Variants in INTS4 observed in about 807,000 individuals in gnomAD.
INTS4 encodes the protein integrator complex subunit 4.
INTS4 carries 70 observed loss-of-function variants against 119.5 expected under a neutral mutation model. That is an observed-to-expected ratio of 0.59 (90% CI 0.48 to 0.71). The LOEUF is 0.71. Among genes scored for constraint, INTS4 ranks in the 30% least tolerant of loss-of-function variants. The pLI is 0.00. For missense variants in INTS4, 867 were observed against 1,173.2 expected (o/e 0.74, Z 3.81); for synonymous variants, 316 against 419.6 (o/e 0.75, Z 3.02).
intron 16 of INTS4, among the ~76,000 whole-genome samples, chr11:77,907,132 C>G (rs564329440): frequency 6.6e-6 from 1 of 152,280 alleles, no homozygotes; most frequent in South Asian, 2.1e-4. Flanking sequence ...GGTCTGTCAT[C>G]CAGGCTGGAG....
chr11:77,900,292 G>C (rs1404808037), intron 18 of INTS4, among the ~76,000 whole-genome samples: 4 of 151,854 alleles, frequency 2.6e-5, no homozygotes, highest in African/African-American at 4.8e-5. Context: ...GTAGAGACAG[G>C]GTTTCACCAT....
intron 2 of INTS4, among the ~76,000 whole-genome samples, chr11:77,983,167 G>A (rs1297625889): frequency 6.6e-6 from 1 of 152,172 alleles, no homozygotes; most frequent in Admixed American, 6.5e-5. Flanking sequence ...GCTACTGAGA[G>A]GAAAATTACT....
intron 4 of INTS4, among the ~76,000 whole-genome samples, chr11:77,973,438 G>A (rs1007066604): frequency 2.6e-5 from 4 of 152,062 alleles, no homozygotes; most frequent in Non-Finnish European, 5.9e-5. Context: ...AGAACCTCTA[G>A]TACAATGTTA....
chr11:77,988,371 T>A (rs926620510), intron 2 of INTS4, among the ~76,000 whole-genome samples: 3 of 152,232 alleles, frequency 2.0e-5, no homozygotes, highest in Non-Finnish European at 2.9e-5. Flanking sequence ...CATTTATTCA[T>A]TCAACAAATA....
At chr11:77,936,757 G>C (rs1329631233) in intron 10 of INTS4, among the ~76,000 whole-genome samples, 1 of 151,938 alleles carries the variant, frequency 6.6e-6, no homozygotes, top group Non-Finnish European at 1.5e-5. Context: ...ATAAAAACTG[G>C]AGAAAGAAAG....
At chr11:77,992,012 A>G (rs1217464135) in intron 1 of INTS4, among the ~76,000 whole-genome samples, 2 of 151,642 alleles carry the variant, frequency 1.3e-5, no homozygotes, top group African/African-American at 4.8e-5. Context: ...TCTAGTAGAG[A>G]CAGGTTTTGC....
At chr11:77,930,637 C>T (rs1354260301) in intron 10 of INTS4, among the ~76,000 whole-genome samples, 7 of 152,128 alleles carry the variant, frequency 4.6e-5, no homozygotes, top group Non-Finnish European at 7.3e-5. Context: ...TTTGCCTGAA[C>T]GGCCAGACTA....
chr11:77,927,419 G>A (rs1013551094), intron 11 of INTS4, among the ~76,000 whole-genome samples: 9 of 152,110 alleles, frequency 5.9e-5, no homozygotes, highest in African/African-American at 1.9e-4. Context: ...TGTTACAAGT[G>A]TTCTAAAAAC....
chr11:77,991,310 T>C lies in INTS4; in HGVS notation c.55-11A>G. ...AATTTCCTCCTGTGGCTGCAAGGGG[T>C]AGAGAAAATCGAAAACACAGAATCT... On this transcript the variant is annotated splice_polypyrimidine_tract_variant and intron_variant, in intron 1 of 22. Coordinates refer to ENST00000534064, the MANE Select transcript of INTS4 (RefSeq NM_033547.4). 1 of 1,601,160 alleles carries C rather than the reference T, an allele frequency of 6.2e-7. No individual in the cohort carries two copies.
intron 21 of INTS4, among the ~76,000 whole-genome samples, chr11:77,886,119 T>C (rs1293568018): frequency 6.6e-6 from 1 of 151,168 alleles, no homozygotes; most frequent in African/African-American, 2.4e-5. Flanking sequence ...GGCAGGAGGA[T>C]CCCTTGGACA....
intron 2 of INTS4, among the ~76,000 whole-genome samples, chr11:77,984,704 T>C (rs2136654792): frequency 6.6e-6 from 1 of 151,956 alleles, no homozygotes; most frequent in East Asian, 1.9e-4. Context: ...TAAATTTTAA[T>C]TGTTACCACA....
At chr11:77,926,499 A>G (rs561945973) in intron 11 of INTS4, among the ~76,000 whole-genome samples, 108 of 152,240 alleles carry the variant, frequency 7.1e-4, no homozygotes, top group Non-Finnish European at 1.4e-3. Context: ...CTGCTGCAAG[A>G]CATTGGTAAT....
intron 8 of INTS4, among the ~76,000 whole-genome samples, chr11:77,945,384 C>T (rs903516007): frequency 9.2e-5 from 14 of 152,164 alleles, no homozygotes; most frequent in African/African-American, 3.4e-4. Context: ...CAAGTTGAAG[C>T]TAGACTCACT....
chr11:77,968,558 T>C (rs897301147), intron 4 of INTS4, among the ~76,000 whole-genome samples: 1 of 152,204 alleles, frequency 6.6e-6, no homozygotes, highest in Non-Finnish European at 1.5e-5. Flanking sequence ...AAAAGAGCTC[T>C]GTCAATGAAG....
chr11:77,939,665 T>A (rs1482917303), intron 9 of INTS4, among the ~76,000 whole-genome samples: 2 of 151,772 alleles, frequency 1.3e-5, no homozygotes, highest in Non-Finnish European at 2.9e-5. Flanking sequence ...CAGCCTCTCA[T>A]TAAACCCCAT....
chr11:77,981,467 T>C lies in INTS4; in HGVS notation c.356A>G (p.Gln119Arg). Reference protein sequence around the residue: ...CIMDDAINILQNEKSHQVLAQ... With the variant: ...CIMDDAINILRNEKSHQVLAQ... The stretch of plus-strand genomic sequence containing the variant: ...TTTAAATTGCAACTTACTTTCATTC[T>C]GCAGGATGTTGATGGCATCATCCAT... Residue 119 changes from glutamine to arginine, a missense_variant, in exon 3 of 23, where the codon CAG becomes CGG. By Grantham distance (43) the Gln-to-Arg change is conservative. Transcript: ENST00000534064. The C allele has an allele frequency of 6.7e-7, 1 of 1,494,882 alleles. No homozygotes were observed. The highest frequency in any genetic ancestry group is 9.1e-7 in the Non-Finnish European group (1 of 1,100,766). The allele number at this position is 1,494,882 out of a possible 1,614,324, so 92.6% of individuals were successfully genotyped here.
downstream of INTS4, among the ~76,000 whole-genome samples, chr11:77,874,815 T>A (rs1456686974): frequency 1.3e-5 from 2 of 152,104 alleles, no homozygotes; most frequent in African/African-American, 2.4e-5. Flanking sequence ...GGTGGGCAGA[T>A]CACCTGAGGT....
intron 1 of INTS4, among the ~76,000 whole-genome samples, chr11:77,993,134 G>A (rs919434417): frequency 1.3e-5 from 2 of 152,126 alleles, no homozygotes; most frequent in African/African-American, 4.8e-5. Flanking sequence ...ACACTTTAGT[G>A]AGCCAGGCCC....
At chr11:77,991,431 C>A in intron 1 of INTS4, 132 bp from the exon 2 acceptor site, 1 of 735,874 alleles carries the variant, frequency 1.4e-6, no homozygotes, top group Non-Finnish European at 2.2e-6. Flanking sequence ...GTATTATAAA[C>A]CAGAAAGAGT....
Sources: gnomAD v4.1 joint callset for allele counts (sites outside exome capture counted in the v4.1 genomes callset) on GRCh38, gnomAD v4.1.1 for gene constraint, MANE v1.5 for transcripts, NCBI Gene and HGNC (gene_info 2026-07-23, HGNC 2026-07-21) for gene names.